The following AGO3 variants were observed in gnomAD, a reference collection of about 807,000 sequenced individuals.
AGO3 encodes the protein protein argonaute-3.
Under a neutral mutation model 105.5 loss-of-function variants are expected in AGO3, and 16 were observed. The ratio of observed to expected loss-of-function variants is 0.15; its 90% CI spans 0.10 to 0.23. The LOEUF (loss-of-function observed/expected upper bound fraction) is 0.23, where lower values mean the gene tolerates loss of function less well. Ranked by LOEUF, AGO3 falls within the 10% of genes least tolerant of loss-of-function variation. The pLI, the probability that AGO3 is intolerant of heterozygous loss-of-function variation, is 1.00. For missense variants in AGO3, 534 were observed against 1,088.0 expected, an observed-to-expected ratio of 0.49 and a Z score of 7.16; for synonymous variants, 340 against 367.3, an observed-to-expected ratio of 0.93 and a Z score of 0.85.
chr1:36,040,335 G>A lies in AGO3; in HGVS notation c.2066G>A (p.Arg689Gln). ...QVLYYELLAI[R>Q]EACISLEKDY... ...TTATATTATGAACTACTAGCAATTC[G>A]AGAAGCCTGCATCAGTTTGGAGAAA... Residue 689 changes from arginine to glutamine, a missense_variant, in exon 16 of 19, where the codon CGA (arginine) becomes CAA (glutamine). Physicochemically the swap from Arg to Gln is conservative, Grantham distance 43. Transcript: ENST00000373191. The A allele has an allele frequency of 6.2e-7, 1 of 1,613,572 alleles. No individual in the cohort carries two copies. The highest frequency in any genetic ancestry group is 8.5e-7 in the Non-Finnish European group (1 of 1,179,636).
chr1:36,046,565 C>T (rs773233147), intron 17 of AGO3, among the ~76,000 whole-genome samples: 8 of 138,126 alleles, frequency 5.8e-5, no homozygotes, highest in African/African-American at 8.1e-5. Context: ...CGTCATGGCG[C>T]GCGCCTGTAG....
chr1:36,020,003 C>T (rs1641131333), intron 11 of AGO3, among the ~76,000 whole-genome samples: 1 of 152,144 alleles, frequency 6.6e-6, no homozygotes, highest in Non-Finnish European at 1.5e-5. Context: ...AACTCCTGAC[C>T]TCAGGTGATC....
chr1:35,941,383 A>G, intron 1 of AGO3, among the ~76,000 whole-genome samples: 1 of 152,076 alleles, frequency 6.6e-6, no homozygotes. Context: ...AATTTTTCAT[A>G]CAGCAGCTGG....
intron 1 of AGO3, among the ~76,000 whole-genome samples, chr1:35,931,876 T>G (rs1238843363): frequency 6.6e-6 from 1 of 152,220 alleles, no homozygotes; most frequent in Non-Finnish European, 1.5e-5. Flanking sequence ...AACTTCAGAT[T>G]AAGTTCGAAG....
At chr1:35,949,918 G>A (rs914246890) in intron 2 of AGO3, among the ~76,000 whole-genome samples, 4 of 151,908 alleles carry the variant, frequency 2.6e-5, no homozygotes, top group Admixed American at 6.5e-5. Context: ...GCCTTATTTC[G>A]TTTCTTATTA....
At chr1:35,984,556 A>G (rs1647126411) in intron 5 of AGO3, 1 of 152,302 alleles carries the variant, frequency 6.6e-6, no homozygotes, top group Admixed American at 6.6e-5. Flanking sequence ...TGAGTTAGGT[A>G]TTTCTCTTCT....
chr1:35,988,540 C>G (rs1214074733), intron 5 of AGO3, among the ~76,000 whole-genome samples: 1 of 151,890 alleles, frequency 6.6e-6, no homozygotes, highest in Non-Finnish European at 1.5e-5. Flanking sequence ...ATTTGTCTTT[C>G]TGTGTCTTGC....
chr1:35,963,202 A>C (rs1646710363), intron 2 of AGO3, among the ~76,000 whole-genome samples: 1 of 152,204 alleles, frequency 6.6e-6, no homozygotes, highest in African/African-American at 2.4e-5. Context: ...ATTCATTTCA[A>C]CATTGTTTTT....
intron 2 of AGO3, among the ~76,000 whole-genome samples, chr1:35,952,135 TCTTTCTTTCTTTC>T (rs1287272790): frequency 6.7e-4 from 78 of 116,970 alleles, no homozygotes; most frequent in African/African-American, 1.4e-3. Flanking sequence ...TTTCTTTCTT[TCTTTCTTTCTTTC>T]TTTTTTTTTT....
chr1:35,964,487 T>C (rs1646737884), intron 2 of AGO3, among the ~76,000 whole-genome samples: 1 of 152,220 alleles, frequency 6.6e-6, no homozygotes, highest in Admixed American at 6.5e-5. Context: ...TAGTATTCCA[T>C]GGTGTATATG....
intron 12 of AGO3, among the ~76,000 whole-genome samples, chr1:36,028,816 G>A (rs1026762892): frequency 2.6e-5 from 4 of 152,032 alleles, no homozygotes; most frequent in South Asian, 2.1e-4. Flanking sequence ...CTGAGGAGTC[G>A]CCACACTGAC....
At chr1:36,036,688 A>C (rs556853268) in intron 14 of AGO3, among the ~76,000 whole-genome samples, 31 of 151,954 alleles carry the variant, frequency 2.0e-4, no homozygotes, top group South Asian at 2.1e-4. Flanking sequence ...GAATTCTTTT[A>C]TTTTATTTTA....
At chr1:36,038,348 C>T (rs559898736) in intron 14 of AGO3, among the ~76,000 whole-genome samples, 4 of 151,480 alleles carry the variant, frequency 2.6e-5, no homozygotes, top group African/African-American at 9.7e-5. Context: ...CTCCGCCTCC[C>T]GGGTTCACGC....
chr1:35,981,375 G>T (rs957880028), intron 5 of AGO3, among the ~76,000 whole-genome samples: 1 of 152,100 alleles, frequency 6.6e-6, no homozygotes, highest in Non-Finnish European at 1.5e-5. Context: ...AGGTTTCTGT[G>T]CTCAAGGCCT....
At chr1:35,932,374 T>G (rs1646067349) in intron 1 of AGO3, among the ~76,000 whole-genome samples, 1 of 152,224 alleles carries the variant, frequency 6.6e-6, no homozygotes, top group Non-Finnish European at 1.5e-5. Flanking sequence ...GCTGTCTTGT[T>G]ACTAATGGTG....
In AGO3 at chr1:36,064,376, A is replaced by G. The variant is rs569900696; in HGVS notation, c.*8631A>G. The G allele has an allele frequency of 1.3e-5, 2 of 152,444 alleles. No individual in the cohort carries two copies. Among genetic ancestry groups the G allele is most frequent in the East Asian group, 3.9e-4 (2 of 5,182 alleles). 9.4% of individuals were successfully genotyped at this position (152,444 alleles called of 1,614,324 possible). ...GCCTGGGCAACAAGAGTGAAACTCC[A>G]TCTCAGAAAATAAAAATAAAAATAA... On this transcript the variant is annotated 3_prime_UTR_variant, in exon 19 of 19. Transcript: ENST00000373191.
At chr1:35,967,939 C>T (rs1252242374) in intron 3 of AGO3, among the ~76,000 whole-genome samples, 1 of 152,136 alleles carries the variant, frequency 6.6e-6, no homozygotes, top group Non-Finnish European at 1.5e-5. Flanking sequence ...CTTTCCCCAG[C>T]CTTTTTTTAT....
At chr1:36,012,424 C>T (rs1029287144) in intron 9 of AGO3, among the ~76,000 whole-genome samples, 3 of 151,818 alleles carry the variant, frequency 2.0e-5, no homozygotes, top group Non-Finnish European at 2.9e-5. Flanking sequence ...GCATGAATTT[C>T]AGTGAGATTC....
intron 5 of AGO3, among the ~76,000 whole-genome samples, chr1:36,003,694 C>CAAAAAAAA (rs1209511459): frequency 3.2e-4 from 17 of 53,462 alleles, no homozygotes; most frequent in Non-Finnish European, 4.3e-4. Flanking sequence ...AAGTCTGTCT[C>CAAAAAAAA]AAAAAAAAAA....
Sources: gnomAD v4.1 joint callset for allele counts (sites outside exome capture counted in the v4.1 genomes callset) on GRCh38, gnomAD v4.1.1 for gene constraint, MANE v1.5 for transcripts, NCBI Gene and HGNC (gene_info 2026-07-23, HGNC 2026-07-21) for gene names.